PRKN: variants seen among roughly 807,000 people sequenced by gnomAD.
The protein encoded by PRKN is parkin RBR E3 ubiquitin protein ligase, also known as E3 ubiquitin-protein ligase parkin.
Under a neutral mutation model 59.5 loss-of-function variants are expected in PRKN, and 56 were observed. The observed-to-expected ratio is 0.94, with a 90% CI of 0.76 to 1.18. The LOEUF (loss-of-function observed/expected upper bound fraction) is 1.18. Among genes scored for constraint, PRKN ranks in the 50% most tolerant of loss-of-function variants. The pLI is 0.00. For missense variants in PRKN, 657 were observed against 596.4 expected (o/e 1.10, Z -1.06); for synonymous variants, 250 against 222.1 (o/e 1.13, Z -1.12).
At chr6:162,261,887 G>A (rs942067456) in intron 3 of PRKN, among the ~76,000 whole-genome samples, 2 of 152,078 alleles carry the variant, frequency 1.3e-5, no homozygotes, top group African/African-American at 4.8e-5. Context: ...CCATCTTGCA[G>A]GCCCCAGAAC....
At chr6:161,437,245 C>T (rs942008500) in intron 9 of PRKN, among the ~76,000 whole-genome samples, 1 of 152,112 alleles carries the variant, frequency 6.6e-6, no homozygotes. Context: ...CTGCGCTCAT[C>T]CTTCTTCTTG....
rs568457026 is a variant in PRKN at position 161,854,204 on chromosome 6, G to A, written c.735-68296C>T. Reference sequence around the variant, plus strand: ...TGAGAGGTGGAAGTTGCAGTGAGCCGAGATCACGCTGTTGCATTCTAGCCT... The same window carrying A: ...TGAGAGGTGGAAGTTGCAGTGAGCCAAGATCACGCTGTTGCATTCTAGCCT... On this transcript the variant is annotated intron_variant, in intron 6 of 11. Coordinates refer to ENST00000366898, the MANE Select transcript of PRKN (RefSeq NM_004562.3). 7.2e-4 allele frequency among the ~76,000 whole-genome samples: 110 copies of A among 151,872 alleles called. 4 individuals are homozygous for A. In the South Asian group the frequency reaches 0.021, roughly 28 times the overall value.
chr6:161,845,042 T>G (rs574193527), intron 6 of PRKN, among the ~76,000 whole-genome samples: 1 of 152,288 alleles, frequency 6.6e-6, no homozygotes, highest in South Asian at 2.1e-4. Context: ...CCTAGAAAAT[T>G]CAAACAGCTT....
chr6:162,098,700 A>T (rs911729540), intron 4 of PRKN, among the ~76,000 whole-genome samples: 4 of 152,154 alleles, frequency 2.6e-5, no homozygotes, highest in Non-Finnish European at 4.4e-5. Context: ...CATTATTCCT[A>T]CTTATCCTGT....
chr6:162,643,433 G>C (rs1317947797), intron 1 of PRKN, among the ~76,000 whole-genome samples: 1 of 140,692 alleles, frequency 7.1e-6, no homozygotes, highest in Non-Finnish European at 1.5e-5. Flanking sequence ...AGAACAACAA[G>C]CATATTTTTC....
intron 1 of PRKN, among the ~76,000 whole-genome samples, chr6:162,625,234 G>T (rs567618304): frequency 6.6e-6 from 1 of 152,318 alleles, no homozygotes; most frequent in South Asian, 2.1e-4. Flanking sequence ...GAATAAATCA[G>T]TGTTGTTGAA....
chr6:161,524,106 A>G, intron 9 of PRKN, among the ~76,000 whole-genome samples: 1 of 152,150 alleles, frequency 6.6e-6, no homozygotes, highest in East Asian at 1.9e-4. Context: ...TATTTGTGAA[A>G]AGGCAAGAAA....
At chr6:162,189,570 G>T (rs771027454) in intron 4 of PRKN, among the ~76,000 whole-genome samples, 4 of 151,322 alleles carry the variant, frequency 2.6e-5, no homozygotes, top group Non-Finnish European at 5.9e-5. Context: ...CTACTATGTG[G>T]CAGGCACTAT....
At chr6:162,411,240 A>C (rs1788341029) in intron 2 of PRKN, among the ~76,000 whole-genome samples, 1 of 152,230 alleles carries the variant, frequency 6.6e-6, no homozygotes, top group African/African-American at 2.4e-5. Context: ...AAGCATTTGA[A>C]TCCTACTTTA....
chr6:161,397,175 C>A lies in PRKN; in HGVS notation c.1084-10298G>T, dbSNP rs923385323. On this transcript the variant is annotated intron_variant, in intron 9 of 11. Transcript: ENST00000366898. This position sits in a 1 kb window ranked among gnomAD's most constrained non-coding sequence, Gnocchi z 4.2. Reference sequence around the variant, plus strand: ...AAAGGGATAGGATTTGTATCTTATTCATCTTTGTCTTCCCAAGATCCAGGT... The same window carrying A: ...AAAGGGATAGGATTTGTATCTTATTAATCTTTGTCTTCCCAAGATCCAGGT... Among the ~76,000 whole-genome samples the A allele has an allele frequency of 6.6e-6, 1 of 152,124 alleles. No homozygotes were observed. The highest frequency in any genetic ancestry group is 2.4e-5 in the African/African-American group (1 of 41,412).
chr6:162,664,527 C>T (rs970592448), intron 1 of PRKN, among the ~76,000 whole-genome samples: 6 of 152,128 alleles, frequency 3.9e-5, no homozygotes, highest in Non-Finnish European at 8.8e-5. Context: ...AAAAGTGTTC[C>T]TATTTCTCCA....
Position 161,386,391 on chromosome 6 carries a change from T to C in PRKN, c.1167+403A>G, listed in dbSNP as rs1786245163. On this transcript the variant is annotated intron_variant, in intron 10 of 11. Transcript: ENST00000366898. The surrounding 1 kb of genome is among the most constrained non-coding windows in gnomAD (Gnocchi z 4.3). ...ATCCTTACATAATGTCATCTTTCTG[T>C]ACATGCCACTCACAGAGGTATTTTC... is the stretch of plus-strand genomic sequence containing the variant. Among the ~76,000 whole-genome samples, 1 of 152,232 alleles carries C rather than the reference T, an allele frequency of 6.6e-6. No homozygotes were observed. Among genetic ancestry groups the C allele is most frequent in the South Asian group, 2.1e-4 (1 of 4,832 alleles).
At chr6:162,593,700 C>A (rs1781391441) in intron 1 of PRKN, among the ~76,000 whole-genome samples, 1 of 152,118 alleles carries the variant, frequency 6.6e-6, no homozygotes, top group South Asian at 2.1e-4. Flanking sequence ...CTGGCTCAAA[C>A]TCAAGGGCAG....
chr6:162,372,725 T>TA (rs1211538933), intron 2 of PRKN, among the ~76,000 whole-genome samples: 3 of 152,292 alleles, frequency 2.0e-5, no homozygotes, highest in African/African-American at 4.8e-5. Context: ...GTTGAAATTA[T>TA]AAAAAATTGT....
At chr6:162,010,258 AT>A (rs1782445901) in intron 5 of PRKN, among the ~76,000 whole-genome samples, 1 of 129,632 alleles carries the variant, frequency 7.7e-6, no homozygotes, top group Admixed American at 9.6e-5. Context: ...TACATAATAT[AT>A]ATTTTATATA....
intron 7 of PRKN, among the ~76,000 whole-genome samples, chr6:161,695,465 T>C (rs1255428873): frequency 6.6e-6 from 1 of 152,192 alleles, no homozygotes; most frequent in Non-Finnish European, 1.5e-5. Context: ...GCACTCAGTG[T>C]CTTCCCAAAT....
At chr6:162,583,266 T>C (rs971302246) in intron 1 of PRKN, among the ~76,000 whole-genome samples, 1 of 152,220 alleles carries the variant, frequency 6.6e-6, no homozygotes, top group African/African-American at 2.4e-5. Context: ...TAGTCTGTGA[T>C]ATTCTGTTAT....
intron 10 of PRKN, among the ~76,000 whole-genome samples, chr6:161,365,943 C>G (rs934452474): frequency 6.6e-6 from 1 of 152,180 alleles, no homozygotes; most frequent in African/African-American, 2.4e-5. Flanking sequence ...AAATTGAGAG[C>G]AGCAATTTCT....
chr6:162,174,272 T>C (rs73592390), intron 4 of PRKN, among the ~76,000 whole-genome samples: 3,384 of 152,246 alleles, frequency 0.022, 120 homozygotes, highest in East Asian at 0.11. Context: ...TATTTGCTGA[T>C]GTGAGGCTGC....
Sources: allele counts gnomAD v4.1 joint callset (sites outside exome capture counted in the v4.1 genomes callset), GRCh38; gene constraint gnomAD v4.1.1; non-coding constraint Gnocchi (gnomAD v3.1); transcripts MANE v1.5; gene names NCBI Gene and HGNC (gene_info 2026-07-23, HGNC 2026-07-21).